ASDURF: variants seen among roughly 807,000 people sequenced by gnomAD.
ASDURF encodes the protein ASNSD1 upstream open reading frame.
A neutral mutation model predicts 3.3 loss-of-function variants in ASDURF; 3 were observed. The ratio of observed to expected loss-of-function variants is 0.92; its 90% confidence interval spans 0.42 to 2.37. The LOEUF (loss-of-function observed/expected upper bound fraction) is 2.37, where lower values mean the gene tolerates loss of function less well. Ranked by LOEUF, ASDURF falls within the 30% of genes most tolerant of loss-of-function variation. The pLI is 0.05. For missense variants in ASDURF, 23 were observed against 25.4 expected (o/e 0.90, Z 0.21); for synonymous variants, 11 against 8.3 (o/e 1.32, Z -0.55).
At position 189,665,764 on chromosome 2, in the gene ASDURF, G is replaced by A. The variant is rs142371287; in HGVS notation, c.221-277G>A. Among the ~76,000 whole-genome samples the A allele has an allele frequency of 1.7e-3, 257 of 151,498 alleles. 2 individuals carry two copies. The highest frequency in any genetic ancestry group is 5.8e-3 in the African/African-American group (239 of 41,262). On this transcript the variant is annotated intron_variant, in intron 3 of 3. Coordinates refer to ENST00000607829, the MANE Select transcript of ASDURF (RefSeq NM_001353493.2). ...TGTGACTTTGGGTGAAATACTTTAAGCCTCCAAGGTATTGTGGGATCTAAA... is the reference window on the plus strand; with the variant it reads ...TGTGACTTTGGGTGAAATACTTTAAACCTCCAAGGTATTGTGGGATCTAAA...
intron 3 of ASDURF, among the ~76,000 whole-genome samples, 165 bp downstream of exon 3, chr2:189,665,616 A>ATATATG (rs2032778433): frequency 1.9e-5 from 2 of 106,998 alleles, no homozygotes; most frequent in African/African-American, 7.5e-5. Context: ...ATATATATAT[A>ATATATG]TATATATATA....
chr2:189,665,115 A>G (rs922379210), intron 2 of ASDURF, among the ~76,000 whole-genome samples: 2 of 152,196 alleles, frequency 1.3e-5, no homozygotes, highest in African/African-American at 4.8e-5. Flanking sequence ...TTCTCAATAT[A>G]TTGCTCATTG....
At chr2:189,665,604 A>ATATATATATATATATG (rs2032774310) in intron 3 of ASDURF, among the ~76,000 whole-genome samples, 153 bp downstream of exon 3, 2 of 8,234 alleles carry the variant, frequency 2.4e-4, no homozygotes, top group African/African-American at 6.2e-4. Flanking sequence ...ATGTGTATAT[A>ATATATATATATATATG]TATATATATA....
At chr2:189,665,345 A>G in intron 2 of ASDURF, 31 bp from the exon 3 acceptor site, 1 of 394,644 alleles carries the variant, frequency 2.5e-6, no homozygotes, top group Non-Finnish European at 4.5e-6. Context: ...TTAGATCAAA[A>G]TTTGATATTA....
intron 2 of ASDURF, among the ~76,000 whole-genome samples, chr2:189,664,322 A>G (rs1376207603): frequency 6.6e-6 from 1 of 152,240 alleles, no homozygotes; most frequent in Non-Finnish European, 1.5e-5. Context: ...AATGTGGATA[A>G]TTATTGAACA....
At chr2:189,665,273 T>C (rs899140721) in intron 2 of ASDURF, 103 bp from the exon 3 acceptor site, 4 of 370,758 alleles carry the variant, frequency 1.1e-5, no homozygotes, top group Non-Finnish European at 1.9e-5. Context: ...GCTAAAGTAT[T>C]GTACTGAATA....
chr2:189,666,069 C>T lies in ASDURF; in HGVS notation c.249C>T (p.Tyr83=). 6.9e-7 allele frequency: 1 copy of T among 1,452,456 alleles called. No homozygotes were observed. The highest frequency in any genetic ancestry group is 9.2e-7 in the Non-Finnish European group (1 of 1,092,156). 90.0% of individuals were successfully genotyped at this position (1,452,456 alleles called of 1,614,324 possible). ...TATTGGATGAACTGAAAAAAGAATA[C>T]CAAGAAATAGAAAACTTAGACAAGA... ...KNILDELKKE[Y]QEIENLDKTK... is the part of the protein sequence containing the mutation. Residue 83 remains tyrosine (Y), a synonymous_variant, in exon 4 of 4, where the codon TAC becomes TAT. Transcript: ENST00000607829.
At chr2:189,663,445 G>T (rs2032716658) in intron 1 of ASDURF, among the ~76,000 whole-genome samples, 1 of 151,928 alleles carries the variant, frequency 6.6e-6, no homozygotes, top group South Asian at 2.1e-4. Context: ...TAGAGATGGG[G>T]TGTCTGCATG....
chr2:189,663,173 A>G (rs1024237723), intron 1 of ASDURF, among the ~76,000 whole-genome samples: 11 of 151,662 alleles, frequency 7.3e-5, no homozygotes, highest in South Asian at 4.1e-4. Flanking sequence ...TTTTAAATCT[A>G]AATCACAACT....
chr2:189,661,512 T>C lies in ASDURF; in HGVS notation c.-9T>C. 1 of 399,192 alleles carries C rather than the reference T, an allele frequency of 2.5e-6. No homozygotes were observed. Among genetic ancestry groups the C allele is most frequent in the East Asian group, 3.6e-5 (1 of 28,074 alleles). 24.7% of individuals were successfully genotyped at this position (399,192 alleles called of 1,614,324 possible). ...CTGAGCCATCCCGCGTGTCTTGCGC[T>C]CGGTGGAAATGCCCAGCCGAGGGAC... is the stretch of plus-strand genomic sequence containing the variant. On this transcript the variant is annotated 5_prime_UTR_variant, in exon 1 of 4. Coordinates refer to ENST00000607829, the MANE Select transcript of ASDURF (RefSeq NM_001353493.2).
intron 2 of ASDURF, among the ~76,000 whole-genome samples, 181 bp downstream of exon 2, chr2:189,664,135 G>A (rs1285547256): frequency 1.3e-5 from 2 of 152,142 alleles, no homozygotes; most frequent in African/African-American, 4.8e-5. Context: ...TCTCATAGCT[G>A]AAGATGTCTT....
At chr2:189,665,266 A>G (rs777429322) in intron 2 of ASDURF, 110 bp from the exon 3 acceptor site, 37 of 369,702 alleles carry the variant, frequency 1.0e-4, no homozygotes, top group Non-Finnish European at 1.5e-4. Context: ...TGTATTTGCT[A>G]AAGTATTGTA....
In ASDURF at chr2:189,665,439, T is replaced by C. The variant is rs1341421725; in HGVS notation, c.208T>C (p.Ser70Pro). 2 of 397,748 alleles carry C rather than the reference T, an allele frequency of 5.0e-6. No homozygotes were observed. 24.6% of individuals were successfully genotyped at this position (397,748 alleles called of 1,614,324 possible). ...TCTTGCAGACCGAACAGAAATGCTG[T>C]CTGAGAGCAAGAGTAAGTTTTTTCT... ...FFLADRTEML[S>P]ESKNILDELK... is the part of the protein sequence containing the mutation. Residue 70 changes from serine to proline, a missense_variant, in exon 3 of 4, where the codon TCT becomes CCT. By Grantham distance (74) the Ser-to-Pro change is moderately conservative. Transcript: ENST00000607829.
rs2032762351 is a variant in ASDURF, at chr2:189,665,418, G to A, written c.187G>A (p.Ala63Thr). 1.0e-5 allele frequency: 4 copies of A among 397,374 alleles called. No homozygotes were observed. Among genetic ancestry groups the A allele is most frequent in the Non-Finnish European group, 4.4e-6 (1 of 225,468 alleles). The allele number at this position is 397,374 out of a possible 1,614,324, so 24.6% of individuals were successfully genotyped here. A position where few individuals can be genotyped will look rare whatever the true frequency, so the allele number is the denominator to read the frequency against. Residue 63 changes from alanine (A) to threonine (T), a missense_variant, in exon 3 of 4, where the codon GCA becomes ACA. Coordinates refer to ENST00000607829, the MANE Select transcript of ASDURF (RefSeq NM_001353493.2). ...ACAGAACAGCAATATATTCTTTCTT[G>A]CAGACCGAACAGAAATGCTGTCTGA... is the stretch of plus-strand genomic sequence containing the variant. ...QQQNSNIFFL[A>T]DRTEMLSESK...
chr2:189,662,893 G>A (rs1040168526), intron 1 of ASDURF, among the ~76,000 whole-genome samples: 8 of 146,862 alleles, frequency 5.4e-5, no homozygotes, highest in Non-Finnish European at 5.9e-5. Flanking sequence ...AAGCTGCAGT[G>A]AGCCGTGATC....
chr2:189,665,525 A>C (rs547073070), intron 3 of ASDURF, 74 bp downstream of exon 3: 1 of 372,944 alleles, frequency 2.7e-6, no homozygotes, highest in Non-Finnish European at 4.7e-6. Context: ...ATATATATCT[A>C]AAGATTAATG....
At chr2:189,665,632 A>G (rs190245803) in intron 3 of ASDURF, among the ~76,000 whole-genome samples, 181 bp downstream of exon 3, 18 of 89,974 alleles carry the variant, frequency 2.0e-4, no homozygotes, top group East Asian at 3.3e-4. Context: ...ATATATATAT[A>G]TATATATATA....
chr2:189,665,628 A>G lies in ASDURF; in HGVS notation c.220+177A>G, dbSNP rs996570961. Reference sequence around the variant, plus strand: ...TATATATATATATATATATATATATATATATATATATATATATATTATAAA... The same window carrying G: ...TATATATATATATATATATATATATGTATATATATATATATATATTATAAA... On this transcript the variant is annotated intron_variant, in intron 3 of 3. Coordinates refer to ENST00000607829, the MANE Select transcript of ASDURF (RefSeq NM_001353493.2). 5.3e-4 allele frequency among the ~76,000 whole-genome samples: 66 copies of G among 124,446 alleles called. 1 individual carries two copies. In the Middle Eastern group the frequency reaches 0.012, roughly 23 times the overall value. 81.6% of individuals were successfully genotyped at this position (124,446 alleles called of 152,430 possible). A position where few individuals can be genotyped will look rare whatever the true frequency, so the allele number is the denominator to read the frequency against.
At chr2:189,661,819 C>G (rs943849226) in intron 1 of ASDURF, among the ~76,000 whole-genome samples, 1 of 152,300 alleles carries the variant, frequency 6.6e-6, no homozygotes, top group Admixed American at 6.5e-5. Context: ...TGAAATTTGT[C>G]CCGAGACTGG....
Sources: allele counts gnomAD v4.1 joint callset (sites outside exome capture counted in the v4.1 genomes callset), GRCh38; gene constraint gnomAD v4.1.1; transcripts MANE v1.5; gene names NCBI Gene and HGNC (gene_info 2026-07-23, HGNC 2026-07-21).